Variants in NUDT11 observed in about 807,000 individuals in gnomAD.
The protein encoded by NUDT11 is nudix hydrolase 11, also known as diphosphoinositol polyphosphate phosphohydrolase 3-beta.
A neutral mutation model predicts 10.0 loss-of-function variants in NUDT11; 1 was observed. That is an observed-to-expected ratio of 0.10 (90% confidence interval 0.04 to 0.47). The LOEUF is 0.47. Ranked by LOEUF, NUDT11 falls within the 20% of genes least tolerant of loss-of-function variation. The pLI is 0.96. For synonymous variants in NUDT11, 63 were observed against 65.9 expected (o/e 0.96, Z 0.21); for missense variants, 47 against 140.4 (o/e 0.33, Z 3.36).
At chrX:51,493,419 A>G (rs1557326366) in intron 1 of NUDT11, among the ~76,000 whole-genome samples, 1 of 112,068 alleles carries the variant, frequency 8.9e-6, no homozygotes, top group Non-Finnish European at 1.9e-5. Context: ...AATCTCAACT[A>G]TACATCAAAT....
intron 1 of NUDT11, among the ~76,000 whole-genome samples, chrX:51,492,098 G>A (rs1925606136): frequency 8.9e-6 from 1 of 112,099 alleles, no homozygotes; most frequent in African/African-American, 3.2e-5. Flanking sequence ...TCAGTCCAGT[G>A]ACCACATGGC....
rs782098715 is a variant in NUDT11 at position 51,496,421 on chromosome X, C to T, written c.24G>A (p.Thr8=). Reference sequence around the variant, plus strand: ...TGAACCCCTCGGGGTCGTAGGTCCGCGTCTGGTTGGGTTTGCACTTCATCC... The same window carrying T: ...TGAACCCCTCGGGGTCGTAGGTCCGTGTCTGGTTGGGTTTGCACTTCATCC... MKCKPNQ[T]RTYDPEGFKK... The change falls in exon 1 of 2, where the codon ACG becomes ACA. Residue 8 remains threonine, a synonymous_variant. Coordinates refer to ENST00000375992, the MANE Select transcript of NUDT11 (RefSeq NM_018159.4). The T allele has an allele frequency of 6.4e-5, 77 of 1,203,963 alleles. No homozygotes were observed. The highest frequency in any genetic ancestry group is 5.3e-4 in the African/African-American group (30 of 56,448).
chrX:51,491,534 G>A lies in NUDT11; in HGVS notation c.*215C>T. On this transcript the variant is annotated 3_prime_UTR_variant, in exon 2 of 2. Coordinates refer to ENST00000375992, the MANE Select transcript of NUDT11 (RefSeq NM_018159.4). ...AAAAGCACAACAAAAGGCTATAGGT[G>A]CTGAATTAAGAGTCTATTCACGTAT... The A allele has an allele frequency of 2.6e-6, 1 of 388,153 alleles. No homozygotes were observed. Among genetic ancestry groups the A allele is most frequent in the East Asian group, 4.0e-5 (1 of 25,179 alleles). 32.0% of individuals were successfully genotyped at this position (388,153 alleles called of 1,213,427 possible). A position where few individuals can be genotyped will look rare whatever the true frequency, so the allele number is the denominator to read the frequency against.
At position 51,496,235 on chromosome X, in the gene NUDT11, C is replaced by A. The variant is rs2079676744; in HGVS notation, c.210G>T (p.Ala70=). 2.5e-6 allele frequency: 3 copies of A among 1,211,604 alleles called. No individual in the cohort carries two copies. Among genetic ancestry groups the A allele is most frequent in the South Asian group, 3.5e-5 (2 of 56,924 alleles). ...GAAVREVYEE[A]GVKGKLGRLL... is the part of the protein sequence containing the mutation. The stretch of plus-strand genomic sequence containing the variant: ...GCCGGCCTAACTTCCCCTTGACTCC[C>A]GCTTCTTCGTACACCTCTCGGACCG... Residue 70 remains alanine, a synonymous_variant, in exon 1 of 2, where the codon GCG becomes GCT. Coordinates refer to ENST00000375992, the MANE Select transcript of NUDT11 (RefSeq NM_018159.4).
intron 1 of NUDT11, among the ~76,000 whole-genome samples, chrX:51,492,627 G>A (rs782029821): frequency 4.5e-5 from 5 of 111,439 alleles, no homozygotes; most frequent in African/African-American, 6.5e-5. Flanking sequence ...TGCCCACCTC[G>A]ACCTCCCAAA....
chrX:51,495,595 G>GAC (rs1417557147), intron 1 of NUDT11, among the ~76,000 whole-genome samples: 18 of 111,260 alleles, frequency 1.6e-4, no homozygotes, highest in Admixed American at 1.5e-3. Context: ...CGCACAGGCA[G>GAC]ACACACACTC....
At chrX:51,492,049 G>T (rs1452045772) in intron 1 of NUDT11, among the ~76,000 whole-genome samples, 2 of 111,953 alleles carry the variant, frequency 1.8e-5, no homozygotes, top group Admixed American at 9.5e-5. Context: ...CTAGACTCAT[G>T]GAAATAATTC....
chrX:51,493,746 GAA>G (rs1168445703), intron 1 of NUDT11, among the ~76,000 whole-genome samples: 2 of 101,368 alleles, frequency 2.0e-5, no homozygotes, highest in Admixed American at 1.1e-4. Flanking sequence ...AGTGTTTCTG[GAA>G]AAAAAAAAAG....
rs1446648357 is a variant in NUDT11 at position 51,490,032 on chromosome X, T to C, written c.*1717A>G. 8.9e-6 allele frequency: 1 copy of C among 111,912 alleles called. No individual in the cohort carries two copies. Among genetic ancestry groups the C allele is most frequent in the Non-Finnish European group, 1.9e-5 (1 of 53,237 alleles). 9.2% of individuals were successfully genotyped at this position (111,912 alleles called of 1,213,427 possible). On this transcript the variant is annotated 3_prime_UTR_variant, in exon 2 of 2. Coordinates refer to ENST00000375992, the MANE Select transcript of NUDT11 (RefSeq NM_018159.4). ...AGAATACTTTTTTCAATTTTTATTA[T>C]GGAAAATTTCAAACATATACAAAAG...
intron 1 of NUDT11, 28 bp downstream of exon 1, chrX:51,495,923 A>T (rs782588334): frequency 1.7e-6 from 2 of 1,204,303 alleles, no homozygotes; most frequent in East Asian, 5.9e-5. Flanking sequence ...GACAAATAGA[A>T]GTCTGCGCGA....
Position 51,491,431 on chromosome X carries a change from T to A in NUDT11, c.*318A>T, listed in dbSNP as rs782656426. The A allele has an allele frequency of 4.1e-6, 1 of 242,246 alleles. No individual in the cohort carries two copies. The highest frequency in any genetic ancestry group is 6.7e-5 in the East Asian group (1 of 15,006). The allele number at this position is 242,246 out of a possible 1,213,427, so 20.0% of individuals were successfully genotyped here. A position where few individuals can be genotyped will look rare whatever the true frequency, so the allele number is the denominator to read the frequency against. ...ACCATATTTCAAGTAGTGTCTCAGA[T>A]GCAGAATATGCAAAGAGTAAGGAAA... is the stretch of plus-strand genomic sequence containing the variant. On this transcript the variant is annotated 3_prime_UTR_variant, in exon 2 of 2. Transcript: ENST00000375992.
At chrX:51,495,434 A>G (rs1422432039) in intron 1 of NUDT11, among the ~76,000 whole-genome samples, 3 of 112,275 alleles carry the variant, frequency 2.7e-5, no homozygotes, top group Non-Finnish European at 3.8e-5. Context: ...CTAAAGGGGA[A>G]AAAGAATACT....
In NUDT11 at chrX:51,495,891, G is replaced by A. The variant is rs781851669; in HGVS notation, c.494+60C>T. 4.9e-5 allele frequency: 58 copies of A among 1,184,070 alleles called. No individual in the cohort carries two copies. In the Middle Eastern group the frequency reaches 7.1e-4, roughly 14 times the overall value. ...ACATGGCACGAGAGGTGCTCCAGGC[G>A]GGACGCATTTTAAGCGAGGCAGACA... On this transcript the variant is annotated intron_variant, in intron 1 of 1. Transcript: ENST00000375992.
At chrX:51,495,346 T>C (rs1306521519) in intron 1 of NUDT11, among the ~76,000 whole-genome samples, 2 of 111,103 alleles carry the variant, frequency 1.8e-5, no homozygotes, top group Non-Finnish European at 3.8e-5. Context: ...TTAAAAAAAT[T>C]CAAAACTGAT....
intron 1 of NUDT11, 148 bp from the exon 2 acceptor site, chrX:51,491,897 G>A (rs1297839082): frequency 5.9e-6 from 3 of 509,664 alleles, no homozygotes; most frequent in African/African-American, 2.3e-5. Context: ...TGCAATCAAT[G>A]AGTCTGGATC....
intron 1 of NUDT11, among the ~76,000 whole-genome samples, chrX:51,492,301 A>G (rs1279401381): frequency 9.0e-6 from 1 of 111,271 alleles, no homozygotes; most frequent in Non-Finnish European, 1.9e-5. Flanking sequence ...TTCAGTGAGG[A>G]AGAACTGGAA....
In NUDT11 at chrX:51,496,462, CGAGG is replaced by C; in HGVS notation, c.-22_-19del. The C allele has an allele frequency of 1.8e-6, 2 of 1,097,422 alleles. No homozygotes were observed. The highest frequency in any genetic ancestry group is 2.4e-6 in the Non-Finnish European group (2 of 836,811). 90.4% of individuals were successfully genotyped at this position (1,097,422 alleles called of 1,213,427 possible). A position where few individuals can be genotyped will look rare whatever the true frequency, so the allele number is the denominator to read the frequency against. ...CACTTCATCCTCGAGGCAGCCTCCT[CGAGG>C]CAGCCTCCTCTCGCCTCTCGCTGCT... On this transcript the variant is annotated 5_prime_UTR_variant, in exon 1 of 2. Coordinates refer to ENST00000375992, the MANE Select transcript of NUDT11 (RefSeq NM_018159.4).
intron 1 of NUDT11, among the ~76,000 whole-genome samples, chrX:51,494,593 A>G (rs182355490): frequency 9.4e-6 from 1 of 106,171 alleles, no homozygotes; most frequent in African/African-American, 3.4e-5. Flanking sequence ...TGAAGGGTAA[A>G]ATACAAAAAG....
At position 51,490,471 on chromosome X, in the gene NUDT11, G is replaced by C. The variant is rs1925570156; in HGVS notation, c.*1278C>G. On this transcript the variant is annotated 3_prime_UTR_variant, in exon 2 of 2. Coordinates refer to ENST00000375992, the MANE Select transcript of NUDT11 (RefSeq NM_018159.4). ...AAACTAGCATATTAGAACCACTTTT[G>C]GTAATTTGTAAGGAGCTGAAGACTG... The C allele has an allele frequency of 1.8e-5, 2 of 111,481 alleles. No individual in the cohort carries two copies. The highest frequency in any genetic ancestry group is 6.5e-5 in the African/African-American group (2 of 30,663). The allele number at this position is 111,481 out of a possible 1,213,427, so 9.2% of individuals were successfully genotyped here.
Sources: allele counts gnomAD v4.1 joint callset (sites outside exome capture counted in the v4.1 genomes callset), GRCh38; gene constraint gnomAD v4.1.1; transcripts MANE v1.5; gene names NCBI Gene and HGNC (gene_info 2026-07-23, HGNC 2026-07-21).